MYO7B: variants seen among roughly 807,000 people sequenced by gnomAD.
The protein encoded by MYO7B is unconventional myosin-VIIb.
MYO7B carries 212 observed loss-of-function variants against 259.7 expected under a neutral mutation model. The ratio of observed to expected loss-of-function variants is 0.82; its 90% CI spans 0.73 to 0.91. MYO7B has a LOEUF of 0.91. MYO7B is among the 40% of genes least tolerant of loss of function. The pLI is 0.00. For missense variants in MYO7B, 2,732 were observed against 2,813.5 expected (o/e 0.97, Z 0.66); for synonymous variants, 1,197 against 1,166.4 (o/e 1.03, Z -0.54).
chr2:127,618,277 T>C lies in MYO7B; in HGVS notation c.3399-2063T>C, dbSNP rs147043417. Reference sequence around the variant, plus strand: ...GAACGAAGGGGGATGAACGTAGAAATGAAAACTTAAAACAAAAGAAACTGT... The same window carrying C: ...GAACGAAGGGGGATGAACGTAGAAACGAAAACTTAAAACAAAAGAAACTGT... On this transcript the variant is annotated intron_variant, in intron 26 of 47. Coordinates refer to ENST00000409816, the MANE Select transcript of MYO7B (RefSeq NM_001393586.1). Among the ~76,000 whole-genome samples, 571 of 152,174 alleles carry C rather than the reference T, an allele frequency of 3.8e-3. 6 individuals carry two copies. Among genetic ancestry groups the C allele is most frequent in the South Asian group, 0.016 (75 of 4,830 alleles).
At chr2:127,633,414 T>TG in intron 40 of MYO7B, 51 bp downstream of exon 40, 2 of 1,553,180 alleles carry the variant, frequency 1.3e-6, no homozygotes, top group Non-Finnish European at 1.8e-6. Context: ...CCAGAGGCCA[T>TG]GGGGCATCCT....
In MYO7B at chr2:127,614,022, A is replaced by G. The variant is rs1680483376; in HGVS notation, c.3398+1419A>G. 6.6e-6 allele frequency among the ~76,000 whole-genome samples: 1 copy of G among 152,146 alleles called. No individual in the cohort carries two copies. The highest frequency in any genetic ancestry group is 1.5e-5 in the Non-Finnish European group (1 of 68,024). On this transcript the variant is annotated intron_variant, in intron 26 of 47. Transcript: ENST00000409816. The surrounding 1 kb of genome is among the most constrained non-coding windows in gnomAD (Gnocchi z 4.6). Reference sequence around the variant, plus strand: ...GCCAGTAAGACTACAGGGCTTCTCAAGTTTTAGCTGCCTGCATGACACTAG... The same window carrying G: ...GCCAGTAAGACTACAGGGCTTCTCAGGTTTTAGCTGCCTGCATGACACTAG...
intron 5 of MYO7B, among the ~76,000 whole-genome samples, chr2:127,568,728 C>A (rs1678461129): frequency 6.6e-6 from 1 of 151,812 alleles, no homozygotes; most frequent in Non-Finnish European, 1.5e-5. Context: ...GAAACCCCGT[C>A]TCTACTAAAA....
chr2:127,582,725 G>A (rs975373518), intron 12 of MYO7B, among the ~76,000 whole-genome samples: 2 of 132,998 alleles, frequency 1.5e-5, no homozygotes, highest in African/African-American at 3.0e-5. Context: ...ATTATCACAC[G>A]AGGTCAGGGT....
intron 19 of MYO7B, among the ~76,000 whole-genome samples, chr2:127,602,953 T>C (rs541965406): frequency 1.3e-5 from 2 of 151,960 alleles, no homozygotes; most frequent in Non-Finnish European, 2.9e-5. Flanking sequence ...TAAGCCGAGA[T>C]TGCACCACTG....
chr2:127,563,859 CA>C (rs1558801328), intron 2 of MYO7B, among the ~76,000 whole-genome samples: 1 of 152,176 alleles, frequency 6.6e-6, no homozygotes, highest in Non-Finnish European at 1.5e-5. Context: ...AAATAGTAGC[CA>C]AGTTTCTTTT....
Position 127,592,830 on chromosome 2 carries a change from T to C in MYO7B, c.2029T>C (p.Tyr677His). ...GGAGCTGTGCCTGCGGCAGCTGCGA[T>C]ACTCGGGCATGATGGAGACCGTGCA... Reference protein sequence around the residue: ...DRELCLRQLRYSGMMETVHIR... With the variant: ...DRELCLRQLRHSGMMETVHIR... Residue 677 changes from tyrosine to histidine, a missense_variant, in exon 17 of 48, where the codon TAC becomes CAC. Tyr to His is a moderately conservative substitution (Grantham distance 83). Transcript: ENST00000409816. 2.5e-6 allele frequency: 4 copies of C among 1,610,206 alleles called. No individual in the cohort carries two copies. Among genetic ancestry groups the C allele is most frequent in the Non-Finnish European group, 3.4e-6 (4 of 1,178,982 alleles).
At chr2:127,598,395 T>A (rs1679846667) in intron 19 of MYO7B, among the ~76,000 whole-genome samples, 1 of 152,226 alleles carries the variant, frequency 6.6e-6, no homozygotes. Flanking sequence ...GTGTCCCCTC[T>A]TTGGTGACCT....
rs1202981178 is a variant in MYO7B, at chr2:127,628,506, C to T, written c.4595C>T (p.Ala1532Val). The T allele has an allele frequency of 3.5e-6, 5 of 1,438,060 alleles. No homozygotes were observed. The East Asian group carries it at 1.2e-4, about 34-fold the overall frequency. The allele number at this position is 1,438,060 out of a possible 1,614,324, so 89.1% of individuals were successfully genotyped here. The change falls in exon 34 of 48, where the codon GCC (alanine) becomes GTC (valine). Residue 1532 changes from alanine (A) to valine (V), a missense_variant. Physicochemically the swap from Ala to Val is moderately conservative, Grantham distance 64 (BLOSUM62 0). Coordinates refer to ENST00000409816, the MANE Select transcript of MYO7B (RefSeq NM_001393586.1). The surrounding 1 kb of genome is among the most constrained non-coding windows in gnomAD (Gnocchi z 4.8). The stretch of plus-strand genomic sequence containing the variant: ...GGCCTGAAGGAGAGGTCCATTTTCG[C>T]CATGGCCCTGCAGGACAGGAAGGCC... Reference protein sequence around the residue: ...LEGLKERSIFAMALQDRKATD... With the variant: ...LEGLKERSIFVMALQDRKATD...
intron 1 of MYO7B, among the ~76,000 whole-genome samples, chr2:127,549,293 A>G (rs1693360158): frequency 6.6e-6 from 1 of 152,150 alleles, no homozygotes; most frequent in African/African-American, 2.4e-5. Context: ...CCAACACTTT[A>G]CTTTTAATTT....
intron 1 of MYO7B, among the ~76,000 whole-genome samples, chr2:127,556,204 T>C (rs982784198): frequency 2.0e-5 from 3 of 152,210 alleles, no homozygotes; most frequent in Non-Finnish European, 4.4e-5. Flanking sequence ...TTGTCTGATA[T>C]AAGAATAACT....
In MYO7B at chr2:127,560,823, G is replaced by A. The variant is rs564329166; in HGVS notation, c.18+1083G>A. ...TGAGTGCAAAGCCACACAGGACATC[G>A]TTCCTGGCTGCTGGAGCACACTGCT... On this transcript the variant is annotated intron_variant, in intron 2 of 47. Coordinates refer to ENST00000409816, the MANE Select transcript of MYO7B (RefSeq NM_001393586.1). Among the ~76,000 whole-genome samples, 33 of 152,268 alleles carry A rather than the reference G, an allele frequency of 2.2e-4. No individual in the cohort carries two copies. The East Asian group carries it at 5.4e-3, about 25-fold the overall frequency.
rs1044864913 is a variant in MYO7B, at chr2:127,620,271, C to T, written c.3399-69C>T. ...CTCAGAGGTGCACAAGAGCTGTGTG[C>T]CCAGGTACCCCTGTCTCCTCTCCTC... On this transcript the variant is annotated intron_variant, in intron 26 of 47. Transcript: ENST00000409816. 1.0e-5 allele frequency: 16 copies of T among 1,539,348 alleles called. No homozygotes were observed. In the African/African-American group the frequency reaches 1.8e-4, roughly 17 times the overall value.
chr2:127,626,940 A>G, intron 31 of MYO7B, 35 bp from the exon 32 acceptor site: 3 of 1,559,262 alleles, frequency 1.9e-6, no homozygotes, highest in Non-Finnish European at 2.6e-6. Context: ...TAGGGAAGGC[A>G]GGTGACGGAG....
chr2:127,622,293 C>T (rs972878995), intron 28 of MYO7B, among the ~76,000 whole-genome samples, 192 bp downstream of exon 28: 3 of 152,112 alleles, frequency 2.0e-5, no homozygotes, highest in Non-Finnish European at 4.4e-5. Flanking sequence ...CAGGCGTGAC[C>T]CCCATCTCCA....
Position 127,607,337 on chromosome 2 carries a change from C to T in MYO7B, c.2556C>T (p.Val852=). 1 of 1,551,482 alleles carries T rather than the reference C, an allele frequency of 6.4e-7. No homozygotes were observed. The highest frequency in any genetic ancestry group is 8.7e-7 in the Non-Finnish European group (1 of 1,146,870). Residue 852 remains valine, a synonymous_variant, in exon 21 of 48, where the codon GTC becomes GTT. Coordinates refer to ENST00000409816, the MANE Select transcript of MYO7B (RefSeq NM_001393586.1). This position sits in a 1 kb window ranked among gnomAD's most constrained non-coding sequence, Gnocchi z 4.4. ...LCRGYLVRQQ[V]QAKRRAVVVI... is the part of the protein sequence containing the mutation. ...GGGGATACCTGGTGCGCCAGCAAGT[C>T]CAGGCCAAGAGGAGGGCAGTGGTGG... is the stretch of plus-strand genomic sequence containing the variant.
intron 26 of MYO7B, among the ~76,000 whole-genome samples, chr2:127,618,018 C>T (rs537532577): frequency 3.3e-5 from 5 of 152,114 alleles, no homozygotes; most frequent in South Asian, 2.1e-4. Context: ...TGTTAGTTCC[C>T]GCAAGTCCCT....
At position 127,569,828 on chromosome 2, in the gene MYO7B, C is replaced by A; in HGVS notation, c.510C>A (p.Leu170=). ...SGAGKTETTK[L]ILQFLATISG... is the part of the protein sequence containing the mutation. ...CTGGCAAGACGGAGACCACCAAGCT[C>A]ATCCTGCAGTTCCTGGCCACCATCA... The change falls in exon 6 of 48, where the codon CTC becomes CTA. Residue 170 remains leucine (L), a synonymous_variant. Transcript: ENST00000409816. 1 of 1,613,474 alleles carries A rather than the reference C, an allele frequency of 6.2e-7. No individual in the cohort carries two copies. The highest frequency in any genetic ancestry group is 8.5e-7 in the Non-Finnish European group (1 of 1,179,580).
At chr2:127,612,767 CTA>C (rs1242511440) in intron 26 of MYO7B, among the ~76,000 whole-genome samples, 164 bp downstream of exon 26, 8 of 152,186 alleles carry the variant, frequency 5.3e-5, no homozygotes, top group Non-Finnish European at 1.0e-4. Flanking sequence ...CGAGGGTTCT[CTA>C]TGTGCTCTGC....
Sources: allele counts gnomAD v4.1 joint callset (sites outside exome capture counted in the v4.1 genomes callset), GRCh38; gene constraint gnomAD v4.1.1; non-coding constraint Gnocchi (gnomAD v3.1); transcripts MANE v1.5; gene names NCBI Gene and HGNC (gene_info 2026-07-23, HGNC 2026-07-21).